NALCN: variants seen among roughly 807,000 people sequenced by gnomAD.
The protein encoded by NALCN is sodium leak channel, non-selective.
Under a neutral mutation model 225.3 loss-of-function variants are expected in NALCN, and 111 were observed. The ratio of observed to expected loss-of-function variants is 0.49; its 90% CI spans 0.42 to 0.58. NALCN has a LOEUF of 0.58. NALCN is among the 20% of genes least tolerant of loss of function. The probability of loss-of-function intolerance (pLI) is 0.00; values close to 1 mark genes in which losing one functional copy is unlikely to be tolerated. For synonymous variants in NALCN, 764 were observed against 769.0 expected, an observed-to-expected ratio of 0.99 and a Z score of 0.11; for missense variants, 1,378 against 2,202.4, an observed-to-expected ratio of 0.63 and a Z score of 7.49.
chr13:101,298,258 G>A (rs1850729214), intron 7 of NALCN, among the ~76,000 whole-genome samples: 1 of 152,034 alleles, frequency 6.6e-6, no homozygotes, highest in Non-Finnish European at 1.5e-5. Context: ...GGTGGGTTGT[G>A]CTATATTGGT....
chr13:101,306,363 A>G (rs575761544), intron 7 of NALCN, among the ~76,000 whole-genome samples: 5 of 152,184 alleles, frequency 3.3e-5, no homozygotes, highest in African/African-American at 1.2e-4. Context: ...TGCCCATTTC[A>G]TGGCCTCATG....
At chr13:101,412,510 C>T (rs1154984) in intron 1 of NALCN, among the ~76,000 whole-genome samples, 98,438 of 152,086 alleles carry the variant, frequency 0.65, 32,489 homozygotes, top group Non-Finnish European at 0.69. Context: ...GAACATATTC[C>T]GGTATGGCTG....
At chr13:101,056,212 G>A (rs142681712) in intron 43 of NALCN, among the ~76,000 whole-genome samples, 182 of 147,322 alleles carry the variant, frequency 1.2e-3, no homozygotes, top group African/African-American at 4.4e-3. Context: ...ACCGTTTTTG[G>A]TGGGGACCAC....
At chr13:101,126,941 C>A (rs983660332) in intron 17 of NALCN, among the ~76,000 whole-genome samples, 1 of 152,168 alleles carries the variant, frequency 6.6e-6, no homozygotes, top group East Asian at 1.9e-4. Flanking sequence ...TAAGAACACA[C>A]ATAGTCCTGA....
chr13:101,171,202 A>C (rs2038695917), intron 15 of NALCN, among the ~76,000 whole-genome samples: 1 of 150,594 alleles, frequency 6.6e-6, no homozygotes, highest in African/African-American at 2.4e-5. Context: ...ATAAATACTA[A>C]ATATAAAAAA....
intron 15 of NALCN, among the ~76,000 whole-genome samples, chr13:101,160,969 G>A (rs2038154702): frequency 6.6e-6 from 1 of 152,212 alleles, no homozygotes; most frequent in Non-Finnish European, 1.5e-5. Flanking sequence ...GACAGGTTGA[G>A]TTACCATAAA....
chr13:101,360,110 CTTT>C (rs71808641), intron 6 of NALCN, among the ~76,000 whole-genome samples: 15,574 of 148,110 alleles, frequency 0.11, 1,249 homozygotes, highest in East Asian at 0.35. Flanking sequence ...TTCTCTTTCT[CTTT>C]TTCTTTCCTT....
intron 13 of NALCN, among the ~76,000 whole-genome samples, chr13:101,215,455 TG>T (rs2040692863): frequency 6.6e-6 from 1 of 152,034 alleles, no homozygotes; most frequent in African/African-American, 2.4e-5. Context: ...GGTCAGAATG[TG>T]GGCATGGTGT....
chr13:101,248,413 C>A (rs528716221), intron 11 of NALCN, among the ~76,000 whole-genome samples: 2 of 152,270 alleles, frequency 1.3e-5, no homozygotes, highest in East Asian at 3.9e-4. Context: ...GCCTCAAGTT[C>A]CTGGGAAGTA....
intron 6 of NALCN, among the ~76,000 whole-genome samples, chr13:101,352,035 G>A (rs976289711): frequency 8.6e-5 from 13 of 151,998 alleles, no homozygotes; most frequent in Admixed American, 2.0e-4. Flanking sequence ...TCCTGTATTC[G>A]TAGGGGGGCA....
intron 17 of NALCN, among the ~76,000 whole-genome samples, chr13:101,138,696 G>A (rs1310786264): frequency 6.6e-6 from 1 of 152,200 alleles, no homozygotes; most frequent in Non-Finnish European, 1.5e-5. Flanking sequence ...TCAACCACAG[G>A]TGAGACCTTG....
intron 18 of NALCN, among the ~76,000 whole-genome samples, chr13:101,122,038 C>T (rs545592144): frequency 2.7e-5 from 4 of 150,464 alleles, no homozygotes; most frequent in African/African-American, 9.8e-5. Flanking sequence ...CAGTATAAAA[C>T]AATACAAACA....
chr13:101,134,181 C>CAA (rs201851392), intron 17 of NALCN, among the ~76,000 whole-genome samples: 7 of 150,784 alleles, frequency 4.6e-5, no homozygotes, highest in Non-Finnish European at 7.4e-5. Flanking sequence ...AAAAAACAAA[C>CAA]AAACAAAAAA....
chr13:101,415,204 C>CATATATATATATAT (rs1566668976), intron 1 of NALCN, among the ~76,000 whole-genome samples: 1 of 30,552 alleles, frequency 3.3e-5, no homozygotes, highest in Non-Finnish European at 7.1e-5. Context: ...ATACAAATCA[C>CATATATATATATAT]ACACATATAT....
chr13:101,156,857 C>T (rs889385198), intron 15 of NALCN, among the ~76,000 whole-genome samples: 2 of 152,146 alleles, frequency 1.3e-5, no homozygotes, highest in Non-Finnish European at 2.9e-5. Context: ...CAGCAGTGTC[C>T]TATTCCCTTA....
intron 6 of NALCN, among the ~76,000 whole-genome samples, chr13:101,367,185 T>C (rs1323867215): frequency 6.6e-6 from 1 of 152,024 alleles, no homozygotes; most frequent in East Asian, 1.9e-4. Flanking sequence ...TCTGCAGTTG[T>C]AGAAAGAAAC....
chr13:101,404,024 G>A (rs781363623), intron 1 of NALCN, among the ~76,000 whole-genome samples: 2 of 152,108 alleles, frequency 1.3e-5, no homozygotes, highest in Admixed American at 6.5e-5. Flanking sequence ...GTTAAGTGAC[G>A]TGGATTTAAC....
chr13:101,210,174 C>T (rs1238458249), intron 13 of NALCN, among the ~76,000 whole-genome samples: 1 of 152,164 alleles, frequency 6.6e-6, no homozygotes, highest in East Asian at 1.9e-4. Flanking sequence ...GGGTCCCTCT[C>T]TCCTTCCCCA....
intron 39 of NALCN, among the ~76,000 whole-genome samples, chr13:101,067,238 TA>T (rs1196821475): frequency 4.9e-5 from 4 of 81,154 alleles, no homozygotes; most frequent in Admixed American, 1.4e-4. Context: ...GAGGAGGAGG[TA>T]GGGGGGAAGA....
Sources: allele counts gnomAD v4.1 joint callset (sites outside exome capture counted in the v4.1 genomes callset), GRCh38; gene constraint gnomAD v4.1.1; transcripts MANE v1.5; gene names NCBI Gene and HGNC (gene_info 2026-07-23, HGNC 2026-07-21).